The following SNED1 variants were observed in gnomAD, a reference collection of about 807,000 sequenced individuals.
SNED1 encodes sushi, nidogen and EGF-like domain-containing protein 1.
SNED1 carries 81 observed loss-of-function variants against 166.7 expected under a neutral mutation model. The observed-to-expected ratio is 0.49, with a 90% CI of 0.41 to 0.58. The LOEUF (loss-of-function observed/expected upper bound fraction) is 0.58. Among genes scored for constraint, SNED1 ranks in the 20% least tolerant of loss-of-function variants. The probability of loss-of-function intolerance (pLI) is 0.00; values close to 1 mark genes in which losing one functional copy is unlikely to be tolerated. For missense variants in SNED1, 1,604 were observed against 2,000.2 expected (o/e 0.80, Z 3.78); for synonymous variants, 762 against 822.0 (o/e 0.93, Z 1.25).
chr2:241,001,159 G>A (rs2060066147), intron 1 of SNED1, among the ~76,000 whole-genome samples: 1 of 152,222 alleles, frequency 6.6e-6, no homozygotes, highest in African/African-American at 2.4e-5. Context: ...GCCCAGCCAG[G>A]ACCCTCCAGC....
chr2:241,064,208 G>A lies in SNED1; in HGVS notation c.2599+83G>A, dbSNP rs1164501602. The A allele has an allele frequency of 2.3e-5, 21 of 920,848 alleles. No homozygotes were observed. Among genetic ancestry groups the A allele is most frequent in the Middle Eastern group, 6.6e-4 (2 of 3,038 alleles). The allele number at this position is 920,848 out of a possible 1,614,324, so 57.0% of individuals were successfully genotyped here. On this transcript the variant is annotated intron_variant, in intron 19 of 31. Transcript: ENST00000310397. The surrounding 1 kb of genome is among the most constrained non-coding windows in gnomAD (Gnocchi z 7.0). Reference sequence around the variant, plus strand: ...CCCGCCTGCTGCCCGCCCTCTGCCCGCCTGCTCCCCGCCCTCTGCCCGCCT... The same window carrying A: ...CCCGCCTGCTGCCCGCCCTCTGCCCACCTGCTCCCCGCCCTCTGCCCGCCT...
In SNED1 at chr2:241,052,407, C is replaced by T. The variant is rs2061871082; in HGVS notation, c.2022C>T (p.Asp674=). The change falls in exon 15 of 32, where the codon GAC becomes GAT. Residue 674 remains aspartate, a synonymous_variant. Coordinates refer to ENST00000310397, the MANE Select transcript of SNED1 (RefSeq NM_001080437.3). ...GTGTGAATGGGGGCACCTGCGAGGA[C>T]CGGGACACGGATTTCTTCTGCCACT... The part of the protein sequence containing the change: ...SPCVNGGTCE[D]RDTDFFCHCQ... 1.2e-6 allele frequency: 2 copies of T among 1,602,920 alleles called. No homozygotes were observed. Among genetic ancestry groups the T allele is most frequent in the African/African-American group, 2.7e-5 (2 of 74,908 alleles).
intron 26 of SNED1, 152 bp downstream of exon 26, chr2:241,072,030 G>A (rs566662507): frequency 2.8e-4 from 210 of 758,120 alleles, no homozygotes; most frequent in Admixed American, 4.4e-4. Flanking sequence ...CACAAGGCGC[G>A]GGGCTCGTGG....
chr2:241,007,516 A>G (rs12614852), intron 1 of SNED1, among the ~76,000 whole-genome samples: 56,479 of 152,090 alleles, frequency 0.37, 10,734 homozygotes, highest in East Asian at 0.52. Flanking sequence ...GGCTTCCGGA[A>G]CAGTGCTACT....
At chr2:241,074,464 C>G (rs1249954634) in intron 27 of SNED1, 1 of 152,188 alleles carries the variant, frequency 6.6e-6, no homozygotes, top group African/African-American at 2.4e-5. Context: ...AACATTTCAT[C>G]AGATGATTTG....
Position 241,049,007 on chromosome 2 carries a change from C to G in SNED1, c.1505-15C>G. 1 of 1,598,394 alleles carries G rather than the reference C, an allele frequency of 6.3e-7. No individual in the cohort carries two copies. The highest frequency in any genetic ancestry group is 8.5e-7 in the Non-Finnish European group (1 of 1,169,896). ...CATGTGGAATATGGGATGGGGCTTC[C>G]TCCTTTCTCTCTAGAAATCACAGCC... On this transcript the variant is annotated splice_polypyrimidine_tract_variant and intron_variant, in intron 10 of 31. Transcript: ENST00000310397.
chr2:241,088,495 G>C, intron 31 of SNED1, 93 bp downstream of exon 31: 1 of 1,026,494 alleles, frequency 9.7e-7, no homozygotes, highest in Non-Finnish European at 1.5e-6. Context: ...GCCGCTGCCT[G>C]CTTACTCAGC....
chr2:241,089,289 C>A, intron 31 of SNED1: 1 of 1,548,636 alleles, frequency 6.5e-7, no homozygotes, highest in Non-Finnish European at 8.7e-7. Flanking sequence ...CACAGTTCAT[C>A]TTCCTGGTGG....
intron 18 of SNED1, 149 bp from the exon 19 acceptor site, chr2:241,063,863 G>A: frequency 1.3e-6 from 1 of 763,650 alleles, no homozygotes; most frequent in Non-Finnish European, 2.1e-6. Flanking sequence ...TGAGGGTGCT[G>A]GGGAGGGCTG....
At chr2:241,008,192 C>G (rs1343113855) in intron 1 of SNED1, among the ~76,000 whole-genome samples, 1 of 152,262 alleles carries the variant, frequency 6.6e-6, no homozygotes, top group Non-Finnish European at 1.5e-5. Context: ...TGCAGACCAC[C>G]CAGGGCAGAT....
Position 241,033,879 on chromosome 2 carries a change from G to A in SNED1, c.642+4G>A, listed in dbSNP as rs75131578. On this transcript the variant is annotated splice_donor_region_variant and intron_variant, in intron 3 of 31. Transcript: ENST00000310397. ...CCTCGGGGGCATCGCAGCCCAGGTA[G>A]GCGAGTGCAGTCGGTGCTCTGTGTT... 2.2e-3 allele frequency: 3,498 copies of A among 1,595,234 alleles called. 138 individuals carry two copies. The East Asian group carries it at 0.075, about 34-fold the overall frequency.
chr2:241,042,315 TGTCACTTTAGTA>T (rs2061542440), intron 8 of SNED1, among the ~76,000 whole-genome samples: 1 of 152,104 alleles, frequency 6.6e-6, no homozygotes, highest in Admixed American at 6.5e-5. Context: ...CTCAGTGGGG[TGTCACTTTAGTA>T]GTGCTGAACT....
rs1462042333 is a variant in SNED1 at position 241,093,101 on chromosome 2, C to T, written c.*1465C>T. ...TGTGTATTCTGCAATTTGTCATTTTCAGAAAGAAGGAACAGGCAATTCGCG... is the reference window on the plus strand; with the variant it reads ...TGTGTATTCTGCAATTTGTCATTTTTAGAAAGAAGGAACAGGCAATTCGCG... On this transcript the variant is annotated 3_prime_UTR_variant, in exon 32 of 32. Transcript: ENST00000310397. 6.6e-6 allele frequency: 1 copy of T among 152,370 alleles called. No homozygotes were observed. The highest frequency in any genetic ancestry group is 1.5e-5 in the Non-Finnish European group (1 of 68,034). 9.4% of individuals were successfully genotyped at this position (152,370 alleles called of 1,614,324 possible).
intron 27 of SNED1, among the ~76,000 whole-genome samples, chr2:241,081,344 A>G (rs2063318299): frequency 6.6e-6 from 1 of 152,172 alleles, no homozygotes. Flanking sequence ...GAGGGGCCAC[A>G]GGCCAGTGGG....
intron 31 of SNED1, chr2:241,090,595 C>A: frequency 2.0e-6 from 2 of 979,244 alleles, no homozygotes; most frequent in Non-Finnish European, 2.7e-6. Flanking sequence ...AGCATCACCA[C>A]AAACACAAAA....
chr2:241,048,329 C>T lies in SNED1; in HGVS notation c.1288C>T (p.Pro430Ser). The T allele has an allele frequency of 6.2e-7, 1 of 1,606,976 alleles. No homozygotes were observed. Among genetic ancestry groups the T allele is most frequent in the Non-Finnish European group, 8.5e-7 (1 of 1,177,250 alleles). Residue 430 changes from proline (P) to serine (S), a missense_variant, in exon 9 of 32, where the codon CCA (proline) becomes TCA (serine). By Grantham distance (74) the Pro-to-Ser change is moderately conservative. Around this residue, in one of 2 missense-constraint regions of SNED1, gnomAD observed 1,237 missense variants for 1,620.8 expected, o/e 0.76. Transcript: ENST00000310397. Reference sequence around the variant, plus strand: ...CTTTCTTGCAGGAGACCATCCAGTGCCAGACGCCTGCCTCTCGGCCCCTTG... The same window carrying T: ...CTTTCTTGCAGGAGACCATCCAGTGTCAGACGCCTGCCTCTCGGCCCCTTG... ...LRCETGDHPV[P>S]DACLSAPCHN...
chr2:241,019,403 G>A (rs965337260), intron 1 of SNED1, among the ~76,000 whole-genome samples: 6 of 152,230 alleles, frequency 3.9e-5, no homozygotes, highest in South Asian at 2.1e-4. Flanking sequence ...AGTCAAAAGC[G>A]CTCAGCGGTA....
At chr2:241,036,113 G>C (rs1195106909) in intron 4 of SNED1, among the ~76,000 whole-genome samples, 2 of 128,834 alleles carry the variant, frequency 1.6e-5, no homozygotes, top group African/African-American at 5.8e-5. Context: ...TTGGGGAGTA[G>C]AGGCGCGCCA....
chr2:241,037,310 C>T lies in SNED1; in HGVS notation c.1002C>T (p.Arg334=). The part of the protein sequence containing the change: ...GTCTHGINSF[R]CQCPAGFGGP... ...GTACTCACGGCATCAACAGTTTCCG[C>T]TGCCAGTGCCCGGCTGGCTTTGGGG... is the stretch of plus-strand genomic sequence containing the variant. Residue 334 remains arginine (R), a synonymous_variant, in exon 6 of 32, where the codon CGC becomes CGT. Transcript: ENST00000310397. 1 of 1,611,190 alleles carries T rather than the reference C, an allele frequency of 6.2e-7. No individual in the cohort carries two copies. Among genetic ancestry groups the T allele is most frequent in the Non-Finnish European group, 8.5e-7 (1 of 1,179,134 alleles).
Sources: allele counts gnomAD v4.1 joint callset (sites outside exome capture counted in the v4.1 genomes callset), GRCh38; gene constraint gnomAD v4.1.1; regional missense constraint gnomAD v4.1.1; non-coding constraint Gnocchi (gnomAD v3.1); transcripts MANE v1.5; gene names NCBI Gene and HGNC (gene_info 2026-07-23, HGNC 2026-07-21).